PIEZO2: variants seen among roughly 807,000 people sequenced by gnomAD.
The protein encoded by PIEZO2 is piezo-type mechanosensitive ion channel component 2.
Under a neutral mutation model 337.3 loss-of-function variants are expected in PIEZO2, and 172 were observed. That is an observed-to-expected ratio of 0.51 (90% CI 0.45 to 0.58). The LOEUF (loss-of-function observed/expected upper bound fraction) is 0.58, where lower values mean the gene tolerates loss of function less well. Ranked by LOEUF, PIEZO2 falls within the 20% of genes least tolerant of loss-of-function variation. PIEZO2 has a pLI of 0.00. For synonymous variants in PIEZO2, 1,251 were observed against 1,228.5 expected (o/e 1.02, Z -0.38); for missense variants, 3,028 against 3,391.3 (o/e 0.89, Z 2.66).
intron 7 of PIEZO2, among the ~76,000 whole-genome samples, chr18:10,807,731 T>C (rs1270550891): frequency 6.6e-6 from 1 of 152,034 alleles, no homozygotes; most frequent in Non-Finnish European, 1.5e-5. Flanking sequence ...ACTCAGCTAG[T>C]GTTGACATTA....
chr18:10,835,651 C>G (rs2040986507), intron 7 of PIEZO2, among the ~76,000 whole-genome samples: 1 of 151,566 alleles, frequency 6.6e-6, no homozygotes, highest in Admixed American at 6.6e-5. Context: ...TCCAGTGATT[C>G]TCCTGCCTCA....
At chr18:11,107,522 T>A (rs1003829630) in intron 1 of PIEZO2, among the ~76,000 whole-genome samples, 2 of 152,160 alleles carry the variant, frequency 1.3e-5, no homozygotes, top group Admixed American at 6.5e-5. Flanking sequence ...AAGATAAATA[T>A]CTAAAATTTT....
At chr18:10,734,187 T>C (rs941570235) in intron 35 of PIEZO2, among the ~76,000 whole-genome samples, 1 of 152,182 alleles carries the variant, frequency 6.6e-6, no homozygotes, top group Non-Finnish European at 1.5e-5. Flanking sequence ...TTCTAAAATA[T>C]GAATTGAGAA....
intron 4 of PIEZO2, among the ~76,000 whole-genome samples, chr18:10,873,954 C>T (rs1245606059): frequency 6.6e-6 from 1 of 151,844 alleles, no homozygotes; most frequent in Non-Finnish European, 1.5e-5. Context: ...GCAACAAAAG[C>T]AAAAGTAGAC....
intron 3 of PIEZO2, among the ~76,000 whole-genome samples, chr18:10,970,624 C>T (rs1377079844): frequency 2.0e-5 from 3 of 151,082 alleles, no homozygotes; most frequent in African/African-American, 7.3e-5. Flanking sequence ...ATGTTATCTA[C>T]TGATTTAGAG....
intron 3 of PIEZO2, among the ~76,000 whole-genome samples, chr18:10,916,387 A>G (rs264287): frequency 0.94 from 142,773 of 152,114 alleles, 67,114 homozygotes; most frequent in East Asian, 1. Context: ...CAACCGCGGT[A>G]GGGCTCAGGC....
rs113009300 is a variant in PIEZO2 at position 10,854,443 on chromosome 18, A to G, written c.917+910T>C. On this transcript the variant is annotated intron_variant, in intron 7 of 55. Coordinates refer to ENST00000674853, the MANE Select transcript of PIEZO2 (RefSeq NM_001378183.1). The surrounding 1 kb of genome is among the most constrained non-coding windows in gnomAD (Gnocchi z 4.6). ...ATTTCAGGTGTGGACATAATAGAAC[A>G]TATCATTAAGGATTGATGAATAGTA... 6.2e-4 allele frequency among the ~76,000 whole-genome samples: 94 copies of G among 152,330 alleles called. 4 individuals are homozygous for G. In the South Asian group the frequency reaches 8.5e-3, roughly 14 times the overall value.
At chr18:10,975,259 A>G (rs2034398902) in intron 3 of PIEZO2, among the ~76,000 whole-genome samples, 1 of 152,228 alleles carries the variant, frequency 6.6e-6, no homozygotes, top group Non-Finnish European at 1.5e-5. Flanking sequence ...TTTCACTAAC[A>G]TCGCCACACA....
chr18:10,913,990 G>A (rs868571893), intron 3 of PIEZO2, among the ~76,000 whole-genome samples: 20 of 152,096 alleles, frequency 1.3e-4, no homozygotes, highest in Middle Eastern at 3.2e-3. Context: ...TATGTCTTTT[G>A]TGAGCACTTA....
chr18:10,844,058 T>C (rs2041274178), intron 7 of PIEZO2, among the ~76,000 whole-genome samples: 1 of 152,194 alleles, frequency 6.6e-6, no homozygotes, highest in East Asian at 1.9e-4. Context: ...TTATGCCCAG[T>C]GTAGGTCATA....
chr18:10,799,750 A>C (rs2039739153), intron 11 of PIEZO2, among the ~76,000 whole-genome samples: 1 of 152,210 alleles, frequency 6.6e-6, no homozygotes, highest in South Asian at 2.1e-4. Flanking sequence ...AGGCAGGTGG[A>C]TTGCCTGAGC....
chr18:11,069,398 C>T lies in PIEZO2; in HGVS notation c.65-3176G>A, dbSNP rs2145930269. 6.6e-6 allele frequency among the ~76,000 whole-genome samples: 1 copy of T among 152,270 alleles called. No individual in the cohort carries two copies. The highest frequency in any genetic ancestry group is 2.1e-4 in the South Asian group (1 of 4,812). On this transcript the variant is annotated intron_variant, in intron 1 of 55. Coordinates refer to ENST00000674853, the MANE Select transcript of PIEZO2 (RefSeq NM_001378183.1). This position sits in a 1 kb window ranked among gnomAD's most constrained non-coding sequence, Gnocchi z 4.9. Reference sequence around the variant, plus strand: ...CATACCTATAGCTGTCAATGTGATACACCACATTAACAGAATGAAGAACAA... The same window carrying T: ...CATACCTATAGCTGTCAATGTGATATACCACATTAACAGAATGAAGAACAA...
At chr18:10,926,131 A>G (rs1373318284) in intron 3 of PIEZO2, among the ~76,000 whole-genome samples, 2 of 152,200 alleles carry the variant, frequency 1.3e-5, no homozygotes, top group African/African-American at 4.8e-5. Flanking sequence ...TAGTGCCTAC[A>G]CGAGTAGACT....
In PIEZO2 at chr18:10,750,074, T is replaced by A; in HGVS notation, c.4264+17A>T. The A allele has an allele frequency of 6.6e-7, 1 of 1,522,746 alleles. No individual in the cohort carries two copies. Among genetic ancestry groups the A allele is most frequent in the South Asian group, 1.2e-5 (1 of 83,750 alleles). The allele number at this position is 1,522,746 out of a possible 1,614,324, so 94.3% of individuals were successfully genotyped here. ...CTCTTCTGCCTTTCTGCCTTCACAC[T>A]TGCTTTTCATACTTACGCATTTGAT... On this transcript the variant is annotated intron_variant, in intron 29 of 55. Transcript: ENST00000674853. This position sits in a 1 kb window ranked among gnomAD's most constrained non-coding sequence, Gnocchi z 4.1.
intron 36 of PIEZO2, among the ~76,000 whole-genome samples, chr18:10,723,934 C>G (rs531553597): frequency 1.3e-5 from 2 of 152,134 alleles, no homozygotes; most frequent in Non-Finnish European, 2.9e-5. Flanking sequence ...TTCAAATTGA[C>G]TGAGGAAAAA....
rs536262375 is a variant in PIEZO2, at chr18:10,810,625, C to T, written c.918-3351G>A. On this transcript the variant is annotated intron_variant, in intron 7 of 55. Coordinates refer to ENST00000674853, the MANE Select transcript of PIEZO2 (RefSeq NM_001378183.1). ...TTTCTCCCAGACAAAAACCTTGGCTCTGCTAGATTATTTGGGGTTTACCAT... is the reference window on the plus strand; with the variant it reads ...TTTCTCCCAGACAAAAACCTTGGCTTTGCTAGATTATTTGGGGTTTACCAT... Among the ~76,000 whole-genome samples the T allele has an allele frequency of 2.0e-5, 3 of 152,310 alleles. No homozygotes were observed. In the South Asian group the frequency reaches 6.2e-4, roughly 32 times the overall value.
In PIEZO2 at chr18:10,715,528, G is replaced by T. The variant is rs1263091758; in HGVS notation, c.5256+122C>A. ...TTTAAATATACAGAAAAGCAAAGGG[G>T]TTATGCCACAACTGCCTGGAAAGAA... On this transcript the variant is annotated intron_variant, in intron 38 of 55. Transcript: ENST00000674853. The T allele has an allele frequency of 1.0e-5, 9 of 872,446 alleles. No homozygotes were observed. In the East Asian group the frequency reaches 2.0e-4, roughly 19 times the overall value. The allele number at this position is 872,446 out of a possible 1,614,324, so 54.0% of individuals were successfully genotyped here.
At chr18:11,025,520 G>A (rs989544381) in intron 2 of PIEZO2, among the ~76,000 whole-genome samples, 7 of 151,940 alleles carry the variant, frequency 4.6e-5, no homozygotes, top group African/African-American at 7.3e-5. Context: ...CAAAGGGCCC[G>A]GTGCACTAGC....
At chr18:11,026,648 C>G (rs764062692) in intron 2 of PIEZO2, among the ~76,000 whole-genome samples, 1 of 152,214 alleles carries the variant, frequency 6.6e-6, no homozygotes, top group Non-Finnish European at 1.5e-5. Context: ...GGGCTGCTCC[C>G]TCAGCCTGAA....
Sources: gnomAD v4.1 joint callset for allele counts (sites outside exome capture counted in the v4.1 genomes callset) on GRCh38, gnomAD v4.1.1 for gene constraint, Gnocchi (gnomAD v3.1) non-coding constraint, MANE v1.5 for transcripts, NCBI Gene and HGNC (gene_info 2026-07-23, HGNC 2026-07-21) for gene names.